The following CELF4 variants were observed in gnomAD, a reference collection of about 807,000 sequenced individuals.
CELF4 encodes the protein CUG-BP- and ETR-3-like factor 4.
In CELF4, 18 loss-of-function variants were observed where a neutral mutation model predicts 59.9. The ratio of observed to expected loss-of-function variants is 0.30; its 90% CI spans 0.21 to 0.45. The LOEUF is 0.45. Ranked by LOEUF, CELF4 falls within the 20% of genes least tolerant of loss-of-function variation. CELF4 has a pLI of 1.00. For synonymous variants in CELF4, 261 were observed against 267.1 expected, an observed-to-expected ratio of 0.98 and a Z score of 0.22; for missense variants, 456 against 689.0, an observed-to-expected ratio of 0.66 and a Z score of 3.79.
chr18:37,445,711 G>C (rs1037821760), intron 2 of CELF4, among the ~76,000 whole-genome samples: 8 of 152,000 alleles, frequency 5.3e-5, no homozygotes, highest in African/African-American at 1.2e-4. Context: ...CTTTCCAAAA[G>C]AGAAAGGGAG....
intron 7 of CELF4, among the ~76,000 whole-genome samples, chr18:37,271,254 C>CTTTTTTTTTTTTTTT (rs34833771): frequency 3.8e-4 from 40 of 105,568 alleles, no homozygotes; most frequent in African/African-American, 6.3e-4. Context: ...TCCTTCAGTC[C>CTTTTTTTTTTTTTTT]TTTTTTTTTT....
intron 2 of CELF4, among the ~76,000 whole-genome samples, chr18:37,390,810 G>A (rs1202973640): frequency 4.3e-5 from 6 of 138,758 alleles, no homozygotes; most frequent in Non-Finnish European, 7.8e-5. Context: ...GGCGGGGAGG[G>A]GGGGCAGTGC....
intron 2 of CELF4, among the ~76,000 whole-genome samples, chr18:37,399,041 TGTA>T (rs2099283319): frequency 6.6e-6 from 1 of 152,120 alleles, no homozygotes; most frequent in Admixed American, 6.5e-5. Context: ...GCATTTCTAT[TGTA>T]GTAGGCACTG....
chr18:37,461,879 G>T (rs1291373947), intron 2 of CELF4, among the ~76,000 whole-genome samples: 2 of 152,226 alleles, frequency 1.3e-5, no homozygotes, highest in Non-Finnish European at 2.9e-5. Context: ...GCTCTGGTTG[G>T]ATTGGAATTA....
chr18:37,286,898 C>G (rs1373994094), intron 3 of CELF4, among the ~76,000 whole-genome samples: 1 of 152,182 alleles, frequency 6.6e-6, no homozygotes, highest in Non-Finnish European at 1.5e-5. Context: ...CTGCAGAAGG[C>G]CTGCTGGCCT....
intron 1 of CELF4, among the ~76,000 whole-genome samples, chr18:37,532,251 C>A (rs569886887): frequency 2.0e-5 from 3 of 152,360 alleles, no homozygotes; most frequent in African/African-American, 7.2e-5. Flanking sequence ...CCCAAGTCAG[C>A]CCCTCAGGAG....
chr18:37,462,279 G>C (rs1239621132), intron 2 of CELF4, among the ~76,000 whole-genome samples: 1 of 152,154 alleles, frequency 6.6e-6, no homozygotes, highest in Non-Finnish European at 1.5e-5. Flanking sequence ...CGGTCTCCTG[G>C]GGGTATTCAG....
intron 1 of CELF4, among the ~76,000 whole-genome samples, chr18:37,514,628 G>A (rs1256546800): frequency 2.6e-5 from 4 of 152,282 alleles, no homozygotes; most frequent in African/African-American, 9.6e-5. Flanking sequence ...GGCCTGGGCG[G>A]TAAACAAACA....
chr18:37,329,371 C>A (rs903307263), intron 2 of CELF4, among the ~76,000 whole-genome samples: 1 of 152,360 alleles, frequency 6.6e-6, no homozygotes, highest in Non-Finnish European at 1.5e-5. Flanking sequence ...CAAGCCCCAG[C>A]TGAGGGTAGG....
intron 2 of CELF4, among the ~76,000 whole-genome samples, chr18:37,420,511 C>T (rs374714249): frequency 6.6e-5 from 10 of 152,100 alleles, no homozygotes; most frequent in African/African-American, 2.2e-4. Context: ...TGTGAGCCAA[C>T]GTGTGGGGGT....
chr18:37,401,576 G>A (rs763336180), intron 2 of CELF4, among the ~76,000 whole-genome samples: 1 of 152,276 alleles, frequency 6.6e-6, no homozygotes, highest in Non-Finnish European at 1.5e-5. Context: ...TCTTGAGAGT[G>A]CAACCAAGAC....
In CELF4 at chr18:37,314,659, C is replaced by A. The variant is rs926434729; in HGVS notation, c.448+7144G>T. Reference sequence around the variant, plus strand: ...CAGATAGCTTACTGCCACCACCCTGCCAGGGCCCCCTTCCTGGCTGGTGCC... The same window carrying A: ...CAGATAGCTTACTGCCACCACCCTGACAGGGCCCCCTTCCTGGCTGGTGCC... On this transcript the variant is annotated intron_variant, in intron 3 of 12. Transcript: ENST00000420428. Among the ~76,000 whole-genome samples, 85 of 145,562 alleles carry A rather than the reference C, an allele frequency of 5.8e-4. 1 individual carries two copies. Among genetic ancestry groups the A allele is most frequent in the African/African-American group, 1.7e-3 (69 of 40,968 alleles).
intron 2 of CELF4, among the ~76,000 whole-genome samples, chr18:37,343,978 A>G (rs919325959): frequency 7.9e-5 from 12 of 151,454 alleles, no homozygotes; most frequent in African/African-American, 2.9e-4. Flanking sequence ...ACTCCTCCCC[A>G]TTTTTCAGAG....
chr18:37,466,307 G>T (rs979163932), intron 2 of CELF4, among the ~76,000 whole-genome samples: 1 of 152,222 alleles, frequency 6.6e-6, no homozygotes, highest in South Asian at 2.1e-4. Context: ...GAGTTTGGGA[G>T]AAGTGAGGGG....
At chr18:37,517,938 A>AG (rs1282537333) in intron 1 of CELF4, among the ~76,000 whole-genome samples, 2 of 152,094 alleles carry the variant, frequency 1.3e-5, no homozygotes, top group Non-Finnish European at 2.9e-5. Context: ...GTTGCATGGT[A>AG]GGGGGGCACC....
chr18:37,312,110 C>CAAAAAAAAAAAAAAAAAAAAAAAAA (rs59872500), intron 3 of CELF4, among the ~76,000 whole-genome samples: 1 of 50,796 alleles, frequency 2.0e-5, no homozygotes, highest in Non-Finnish European at 4.0e-5. Flanking sequence ...GATTCCGTCT[C>CAAAAAAAAAAAAAAAAAAAAAAAAA]AAAAAAAAAA....
At chr18:37,543,173 A>G (rs1283871396) in intron 1 of CELF4, among the ~76,000 whole-genome samples, 1 of 152,168 alleles carries the variant, frequency 6.6e-6, no homozygotes, top group Non-Finnish European at 1.5e-5. Context: ...ACTTTACATC[A>G]TAGGGTTAGA....
intron 2 of CELF4, among the ~76,000 whole-genome samples, chr18:37,413,856 T>G (rs62083605): frequency 0.38 from 57,150 of 152,112 alleles, 12,110 homozygotes; most frequent in South Asian, 0.64. Flanking sequence ...CCCAGGATCT[T>G]GCCCTTCCAA....
At chr18:37,345,475 C>T (rs2098220338) in intron 2 of CELF4, among the ~76,000 whole-genome samples, 1 of 151,890 alleles carries the variant, frequency 6.6e-6, no homozygotes, top group Non-Finnish European at 1.5e-5. Context: ...CACAGGCTCC[C>T]CTAAGGGATG....
Sources: gnomAD v4.1 joint callset for allele counts (sites outside exome capture counted in the v4.1 genomes callset) on GRCh38, gnomAD v4.1.1 for gene constraint, MANE v1.5 for transcripts, NCBI Gene and HGNC (gene_info 2026-07-23, HGNC 2026-07-21) for gene names.